The following POF1B variants were observed in gnomAD, a reference collection of about 807,000 sequenced individuals.
POF1B encodes the protein protein POF1B.
POF1B carries 53 observed loss-of-function variants against 55.3 expected under a neutral mutation model. The observed-to-expected ratio is 0.96, with a 90% CI of 0.77 to 1.20. The LOEUF (loss-of-function observed/expected upper bound fraction) is 1.20, where lower values mean the gene tolerates loss of function less well. POF1B is among the 50% of genes most tolerant of loss of function. The pLI is 0.00. For missense variants in POF1B, 478 were observed against 420.5 expected (o/e 1.14, Z -1.20); for synonymous variants, 188 against 148.3 (o/e 1.27, Z -1.95).
intron 12 of POF1B, 93 bp from the exon 13 acceptor site, chrX:85,306,003 A>G: frequency 9.7e-7 from 1 of 1,032,950 alleles, no homozygotes; most frequent in Non-Finnish European, 1.3e-6. Flanking sequence ...AAACCACATG[A>G]TTAAATAAGA....
intron 6 of POF1B, among the ~76,000 whole-genome samples, chrX:85,343,242 G>GA (rs917169596): frequency 6.4e-5 from 7 of 109,962 alleles, no homozygotes; most frequent in African/African-American, 2.0e-4. Flanking sequence ...TAAAATTAAA[G>GA]AAAAAAATCC....
intron 5 of POF1B, among the ~76,000 whole-genome samples, chrX:85,350,960 G>A (rs1933373121): frequency 9.0e-6 from 1 of 111,566 alleles, no homozygotes; most frequent in Admixed American, 9.6e-5. Flanking sequence ...CTGTTCGTAT[G>A]TATTGTACAT....
chrX:85,281,356 T>C (rs1371349492), intron 16 of POF1B, among the ~76,000 whole-genome samples: 1 of 110,676 alleles, frequency 9.0e-6, no homozygotes, highest in African/African-American at 3.3e-5. Flanking sequence ...GATTTTGATA[T>C]CTGTAGGGGA....
At chrX:85,306,421 AG>A in intron 11 of POF1B, 88 bp from the exon 12 acceptor site, 9 of 953,571 alleles carry the variant, frequency 9.4e-6, no homozygotes, top group African/African-American at 1.9e-5. Context: ...AATTGAATCA[AG>A]TAAATATTTT....
At chrX:85,368,447 C>T (rs913816071) in intron 2 of POF1B, among the ~76,000 whole-genome samples, 6 of 111,053 alleles carry the variant, frequency 5.4e-5, no homozygotes, top group Non-Finnish European at 9.5e-5. Context: ...AAAAATAATT[C>T]TCAAACCAAT....
chrX:85,361,955 C>CGTGTGT (rs3049233), intron 3 of POF1B, among the ~76,000 whole-genome samples: 74 of 94,273 alleles, frequency 7.8e-4, no homozygotes, highest in African/African-American at 2.3e-3. Context: ...CTAGGTATTT[C>CGTGTGT]GTGTGTGTGT....
chrX:85,304,201 C>G, intron 14 of POF1B, 142 bp downstream of exon 14: 1 of 597,417 alleles, frequency 1.7e-6, no homozygotes, highest in South Asian at 8.4e-5. Flanking sequence ...TCTACTTCCT[C>G]ACTTGCACCT....
At position 85,294,460 on chromosome X, in the gene POF1B, C is replaced by T. The variant is rs1394656756; in HGVS notation, c.1649+8946G>A. ...ACTTTATTGATAGCTATTTCTGCATCACTTAAGATAATCACATGTTCTTTT... is the reference window on the plus strand; with the variant it reads ...ACTTTATTGATAGCTATTTCTGCATTACTTAAGATAATCACATGTTCTTTT... On this transcript the variant is annotated intron_variant, in intron 15 of 16. Transcript: ENST00000262753. Among the ~76,000 whole-genome samples, 8 of 112,002 alleles carry T rather than the reference C, an allele frequency of 7.1e-5. No individual in the cohort carries two copies. The Admixed American group carries it at 7.6e-4, about 11-fold the overall frequency.
At chrX:85,316,889 A>T (rs1460217830) in intron 7 of POF1B, among the ~76,000 whole-genome samples, 2 of 110,086 alleles carry the variant, frequency 1.8e-5, no homozygotes, top group Admixed American at 1.9e-4. Context: ...CTCCACCCTC[A>T]AGTAGGCCCC....
At chrX:85,353,531 G>A (rs1933429053) in intron 4 of POF1B, among the ~76,000 whole-genome samples, 1 of 110,854 alleles carries the variant, frequency 9.0e-6, no homozygotes, top group African/African-American at 3.3e-5. Flanking sequence ...TAACAATCTA[G>A]GTCTGATTAT....
In POF1B at chrX:85,370,147, T is replaced by C. The variant is rs763475433; in HGVS notation, c.283-2381A>G. ...AATAGGAATACACACACATCACACA[T>C]CACAGATAAAGACATTTATTTATGC... is the stretch of plus-strand genomic sequence containing the variant. On this transcript the variant is annotated intron_variant, in intron 2 of 16. Coordinates refer to ENST00000262753, the MANE Select transcript of POF1B (RefSeq NM_024921.4). 5.3e-5 allele frequency among the ~76,000 whole-genome samples: 6 copies of C among 112,196 alleles called. No homozygotes were observed. The East Asian group carries it at 1.7e-3, about 31-fold the overall frequency.
chrX:85,284,386 C>T (rs1299978732), intron 15 of POF1B, among the ~76,000 whole-genome samples: 1 of 111,621 alleles, frequency 9.0e-6, no homozygotes, highest in African/African-American at 3.3e-5. Context: ...GGAGGCATCA[C>T]GCTACCTGAC....
At chrX:85,291,037 A>G (rs771356420) in intron 15 of POF1B, among the ~76,000 whole-genome samples, 1 of 112,124 alleles carries the variant, frequency 8.9e-6, no homozygotes, top group South Asian at 3.7e-4. Context: ...GGTAATGCCT[A>G]GATTGTCTTC....
intron 7 of POF1B, among the ~76,000 whole-genome samples, chrX:85,320,967 AAG>A: frequency 9.1e-6 from 1 of 110,224 alleles, no homozygotes; most frequent in Non-Finnish European, 1.9e-5. Flanking sequence ...ACCAACCAAA[AAG>A]AGTCCAGGAC....
chrX:85,347,435 C>T (rs907403536), intron 5 of POF1B, among the ~76,000 whole-genome samples: 8 of 110,700 alleles, frequency 7.2e-5, no homozygotes, highest in African/African-American at 2.6e-4. Context: ...TTAAAAGTGA[C>T]GTATACATTT....
intron 15 of POF1B, among the ~76,000 whole-genome samples, chrX:85,292,237 G>T (rs1349980624): frequency 8.9e-6 from 1 of 112,011 alleles, no homozygotes; most frequent in Non-Finnish European, 1.9e-5. Context: ...ATAAATCACA[G>T]TTATTAATTT....
chrX:85,334,203 G>A (rs1306673167), intron 6 of POF1B, among the ~76,000 whole-genome samples: 1 of 110,411 alleles, frequency 9.1e-6, no homozygotes, highest in African/African-American at 3.3e-5. Flanking sequence ...GATAGAAGTC[G>A]TCCCAAGGAT....
chrX:85,314,431 C>T lies in POF1B; in HGVS notation c.957+1G>A. On this transcript the variant is annotated splice_donor_variant, in intron 9 of 16. Coordinates refer to ENST00000262753, the MANE Select transcript of POF1B (RefSeq NM_024921.4). LOFTEE classifies it high-confidence loss of function. ...CACATCCACTCTTGACCCCAACTCA[C>T]CTGCAGAATGTAGCGTATTTGCTGT... is the stretch of plus-strand genomic sequence containing the variant. The T allele has an allele frequency of 8.4e-7, 1 of 1,192,447 alleles. No individual in the cohort carries two copies. The highest frequency in any genetic ancestry group is 1.1e-6 in the Non-Finnish European group (1 of 885,438).
chrX:85,286,672 C>G (rs1410612337), intron 15 of POF1B, among the ~76,000 whole-genome samples: 1 of 110,998 alleles, frequency 9.0e-6, no homozygotes, highest in African/African-American at 3.3e-5. Flanking sequence ...GATGAAGTAG[C>G]CTTCAGAATA....
Sources: allele counts gnomAD v4.1 joint callset (sites outside exome capture counted in the v4.1 genomes callset), GRCh38; gene constraint gnomAD v4.1.1; transcripts MANE v1.5; gene names NCBI Gene and HGNC (gene_info 2026-07-23, HGNC 2026-07-21).